Variants in MYO10 observed in about 807,000 individuals in gnomAD.
The protein encoded by MYO10 is unconventional myosin-X.
Under a neutral mutation model 257.3 loss-of-function variants are expected in MYO10, and 133 were observed. The ratio of observed to expected loss-of-function variants is 0.52; its 90% CI spans 0.45 to 0.60. MYO10 has a LOEUF of 0.60. Among genes scored for constraint, MYO10 ranks in the 20% least tolerant of loss-of-function variants. The pLI, the probability that MYO10 is intolerant of heterozygous loss-of-function variation, is 0.00. For synonymous variants in MYO10, 1,104 were observed against 1,028.6 expected (o/e 1.07, Z -1.40); for missense variants, 2,399 against 2,635.7 (o/e 0.91, Z 1.97).
chr5:16,889,926 A>G (rs1330133424), intron 1 of MYO10, among the ~76,000 whole-genome samples: 1 of 151,776 alleles, frequency 6.6e-6, no homozygotes, highest in Non-Finnish European at 1.5e-5. Flanking sequence ...GCCTACAAAT[A>G]AACAAACTGA....
chr5:16,922,495 G>C (rs1746017411), intron 1 of MYO10, among the ~76,000 whole-genome samples: 1 of 152,164 alleles, frequency 6.6e-6, no homozygotes, highest in African/African-American at 2.4e-5. Context: ...GTAAGGGAAG[G>C]CTGAAACAGC....
chr5:16,666,940 T>A, intron 40 of MYO10, 147 bp from the exon 41 acceptor site: 2 of 636,762 alleles, frequency 3.1e-6, no homozygotes, highest in Non-Finnish European at 5.4e-6. Flanking sequence ...GCCAGAAGTT[T>A]AACCACTTTC....
At position 16,762,143 on chromosome 5, in the gene MYO10, A is replaced by AAAAAAAAAAT. The variant is rs370443366; in HGVS notation, c.1588-31_1588-30insATTTTTTTTT. 1.4e-4 allele frequency: 150 copies of AAAAAAAAAAT among 1,092,236 alleles called. 8 individuals carry two copies. The highest frequency in any genetic ancestry group is 1.5e-4 in the South Asian group (8 of 53,374). The allele number at this position is 1,092,236 out of a possible 1,614,324, so 67.7% of individuals were successfully genotyped here. On this transcript the variant is annotated intron_variant, in intron 15 of 40. Transcript: ENST00000513610. ...AAAAAAAAAAAAAAAAAAAAAAAAA[A>AAAAAAAAAAT]ATACAATGCCTTATTTCACTCACTG...
intron 2 of MYO10, among the ~76,000 whole-genome samples, chr5:16,866,161 A>T (rs927038361): frequency 1.3e-5 from 2 of 152,176 alleles, no homozygotes; most frequent in African/African-American, 4.8e-5. Flanking sequence ...AACTAGTAAT[A>T]GCAAATCCTT....
intron 39 of MYO10, among the ~76,000 whole-genome samples, chr5:16,668,805 T>C (rs1245912974): frequency 2.0e-5 from 3 of 152,170 alleles, no homozygotes; most frequent in Admixed American, 2.0e-4. Context: ...CCGGGGGACT[T>C]AAGGAAGCTT....
chr5:16,666,823 C>T (rs565239754), intron 40 of MYO10, 30 bp from the exon 41 acceptor site: 8 of 1,535,588 alleles, frequency 5.2e-6, no homozygotes, highest in South Asian at 2.4e-5. Context: ...ACCGACACAG[C>T]GTCACAAGTC....
intron 22 of MYO10, among the ~76,000 whole-genome samples, chr5:16,704,187 T>C (rs981455581): frequency 1.3e-5 from 2 of 151,796 alleles, no homozygotes; most frequent in Non-Finnish European, 2.9e-5. Flanking sequence ...TAGCCAGGCA[T>C]GGTGGTGTGT....
intron 19 of MYO10, among the ~76,000 whole-genome samples, chr5:16,747,192 G>A (rs1001274951): frequency 2.6e-5 from 4 of 152,136 alleles, no homozygotes; most frequent in Non-Finnish European, 4.4e-5. Context: ...TAGACAGGGC[G>A]AAGGAGCATG....
chr5:16,799,209 T>TAAGATACTGCTCGTTCTGACA (rs11270805), intron 3 of MYO10, among the ~76,000 whole-genome samples: 13 of 149,804 alleles, frequency 8.7e-5, no homozygotes, highest in Admixed American at 7.3e-4. Flanking sequence ...AGCATCCTTT[T>TAAGATACTGCTCGTTCTGACA]AAGATACTGC....
chr5:16,905,745 C>T (rs1034271106), intron 1 of MYO10, among the ~76,000 whole-genome samples: 2 of 152,080 alleles, frequency 1.3e-5, no homozygotes, highest in African/African-American at 4.8e-5. Flanking sequence ...AAATAAATTC[C>T]CTGCCACCAG....
chr5:16,681,203 T>C, intron 32 of MYO10, 106 bp downstream of exon 32: 1 of 1,233,842 alleles, frequency 8.1e-7, no homozygotes, highest in Non-Finnish European at 1.1e-6. Flanking sequence ...ACAACTTCTT[T>C]GGGGGGAAAT....
At chr5:16,776,554 A>G (rs888979180) in intron 9 of MYO10, among the ~76,000 whole-genome samples, 1 of 152,330 alleles carries the variant, frequency 6.6e-6, no homozygotes, top group African/African-American at 2.4e-5. Context: ...TCATTATGTC[A>G]ATTTCATGTA....
At chr5:16,759,218 C>T (rs902997098) in intron 17 of MYO10, among the ~76,000 whole-genome samples, 12 of 152,166 alleles carry the variant, frequency 7.9e-5, no homozygotes, top group Admixed American at 5.2e-4. Context: ...CCACCGCGCC[C>T]GCCCAGCCTT....
intron 27 of MYO10, 145 bp downstream of exon 27, chr5:16,694,226 C>T: frequency 8.0e-7 from 1 of 1,245,158 alleles, no homozygotes; most frequent in Non-Finnish European, 1.1e-6. Flanking sequence ...TCCCAGTTTC[C>T]TAGTAATTTA....
chr5:16,677,350 ACT>A (rs1736774317), intron 33 of MYO10, among the ~76,000 whole-genome samples: 1 of 146,622 alleles, frequency 6.8e-6, no homozygotes, highest in African/African-American at 2.5e-5. Context: ...AATTATATTT[ACT>A]CTTTTAATGT....
chr5:16,738,163 AGT>A, intron 19 of MYO10: 1 of 985,492 alleles, frequency 1.0e-6, no homozygotes, highest in African/African-American at 1.7e-5. Context: ...GAGAGAAGCC[AGT>A]GTTTCTTTTG....
At chr5:16,686,038 C>T (rs1459458115) in intron 28 of MYO10, among the ~76,000 whole-genome samples, 2 of 152,150 alleles carry the variant, frequency 1.3e-5, no homozygotes, top group Admixed American at 6.5e-5. Flanking sequence ...CCTTTTAGTG[C>T]TATATTATGT....
intron 26 of MYO10, among the ~76,000 whole-genome samples, chr5:16,698,555 T>G (rs1737868256): frequency 6.6e-6 from 1 of 151,798 alleles, no homozygotes; most frequent in Non-Finnish European, 1.5e-5. Flanking sequence ...CAGTGAGATC[T>G]TCACTTTCCC....
At chr5:16,687,840 T>C (rs996817674) in intron 28 of MYO10, among the ~76,000 whole-genome samples, 10 of 152,120 alleles carry the variant, frequency 6.6e-5, no homozygotes, top group South Asian at 2.1e-4. Flanking sequence ...AAATTAAACA[T>C]TGAAAAAGAC....
Sources: allele counts gnomAD v4.1 joint callset (sites outside exome capture counted in the v4.1 genomes callset), GRCh38; gene constraint gnomAD v4.1.1; transcripts MANE v1.5; gene names NCBI Gene and HGNC (gene_info 2026-07-23, HGNC 2026-07-21).